PSD3: variants seen among roughly 807,000 people sequenced by gnomAD.
PSD3 encodes the protein pleckstrin and Sec7 domain containing 3.
A neutral mutation model predicts 105.5 loss-of-function variants in PSD3; 49 were observed. That is an observed-to-expected ratio of 0.46 (90% confidence interval 0.37 to 0.59). PSD3 has a LOEUF of 0.59. Ranked by LOEUF, PSD3 falls within the 20% of genes least tolerant of loss-of-function variation. The probability of loss-of-function intolerance (pLI) is 0.00; values close to 1 mark genes in which losing one functional copy is unlikely to be tolerated. For missense variants in PSD3, 1,561 were observed against 1,263.8 expected, an observed-to-expected ratio of 1.24 and a Z score of -3.57; for synonymous variants, 557 against 457.8, an observed-to-expected ratio of 1.22 and a Z score of -2.77.
chr8:18,751,990 C>A lies in PSD3; in HGVS notation c.2172+13459G>T, dbSNP rs577115820. Among the ~76,000 whole-genome samples, 70 of 143,232 alleles carry A rather than the reference C, an allele frequency of 4.9e-4. 2 individuals are homozygous for A. The highest frequency in any genetic ancestry group is 1.9e-3 in the African/African-American group (69 of 35,754). 94.0% of individuals were successfully genotyped at this position (143,232 alleles called of 152,430 possible). A position where few individuals can be genotyped will look rare whatever the true frequency, so the allele number is the denominator to read the frequency against. ...AGGAGTTCAAGACCAGCCTTGCCAA[C>A]ATGGTAAAACCCTGTCTCTACTAAA... On this transcript the variant is annotated intron_variant, in intron 9 of 15. Coordinates refer to ENST00000327040, the MANE Select transcript of PSD3 (RefSeq NM_015310.4).
At chr8:18,607,349 CA>C (rs1473932962) in intron 11 of PSD3, among the ~76,000 whole-genome samples, 5 of 152,140 alleles carry the variant, frequency 3.3e-5, no homozygotes, top group Admixed American at 6.5e-5. Context: ...TTGCTGAACA[CA>C]TACTGTTTTA....
intron 1 of PSD3, among the ~76,000 whole-genome samples, chr8:19,070,745 T>G (rs1442724120): frequency 6.6e-6 from 1 of 152,150 alleles, no homozygotes; most frequent in Non-Finnish European, 1.5e-5. Flanking sequence ...TACATTGTCT[T>G]GTACACCTCA....
chr8:18,878,032 G>A (rs1817849984), intron 2 of PSD3, among the ~76,000 whole-genome samples: 1 of 152,156 alleles, frequency 6.6e-6, no homozygotes, highest in Non-Finnish European at 1.5e-5. Flanking sequence ...GATAGGGGCT[G>A]CAATGAATCT....
chr8:18,716,420 G>A (rs1802603634), intron 9 of PSD3, among the ~76,000 whole-genome samples: 1 of 152,170 alleles, frequency 6.6e-6, no homozygotes, highest in African/African-American at 2.4e-5. Flanking sequence ...GCAGGCCCCT[G>A]ATTAATGAGG....
intron 1 of PSD3, among the ~76,000 whole-genome samples, chr8:18,947,832 T>A (rs1398630433): frequency 1.3e-5 from 2 of 152,172 alleles, no homozygotes; most frequent in Non-Finnish European, 2.9e-5. Flanking sequence ...TTTATTTTTT[T>A]TGAAGTGTGA....
chr8:18,802,863 T>G (rs1210479013), intron 6 of PSD3, among the ~76,000 whole-genome samples: 1 of 152,234 alleles, frequency 6.6e-6, no homozygotes, highest in Non-Finnish European at 1.5e-5. Context: ...CAGTGAGTTT[T>G]AGACACCTTC....
chr8:18,610,291 C>T lies in PSD3; in HGVS notation c.2411-9857G>A, dbSNP rs550729453. On this transcript the variant is annotated intron_variant, in intron 11 of 15. Coordinates refer to ENST00000327040, the MANE Select transcript of PSD3 (RefSeq NM_015310.4). ...TAGGTAGACAAGATTGAAAACCTAA[C>T]TTAGGAGTATGCACCTGTAACAATA... 9.2e-5 allele frequency among the ~76,000 whole-genome samples: 14 copies of T among 152,324 alleles called. No homozygotes were observed. The East Asian group carries it at 2.7e-3, about 29-fold the overall frequency.
intron 12 of PSD3, among the ~76,000 whole-genome samples, chr8:18,585,271 A>G (rs1803094875): frequency 6.6e-6 from 1 of 152,182 alleles, no homozygotes; most frequent in Non-Finnish European, 1.5e-5. Context: ...CTGCTGTAGG[A>G]AGATTGTGAA....
At chr8:18,942,361 T>G (rs2129469487) in intron 1 of PSD3, among the ~76,000 whole-genome samples, 1 of 152,300 alleles carries the variant, frequency 6.6e-6, no homozygotes, top group Non-Finnish European at 1.5e-5. Flanking sequence ...CTGCTCCCAT[T>G]GCCCAGCAGA....
intron 1 of PSD3, among the ~76,000 whole-genome samples, chr8:18,955,008 C>A (rs545784953): frequency 3.4e-4 from 52 of 152,302 alleles, no homozygotes; most frequent in African/African-American, 1.2e-3. Context: ...AAGCAGAGTA[C>A]ACAATGTGCT....
At chr8:18,570,832 C>T (rs1440517935) in intron 14 of PSD3, among the ~76,000 whole-genome samples, 1 of 126,304 alleles carries the variant, frequency 7.9e-6, no homozygotes, top group African/African-American at 3.0e-5. Flanking sequence ...ACATTACTGT[C>T]CTGCTTAAAA....
At chr8:18,901,535 T>C (rs902244769) in intron 2 of PSD3, among the ~76,000 whole-genome samples, 2 of 152,174 alleles carry the variant, frequency 1.3e-5, no homozygotes, top group Non-Finnish European at 1.5e-5. Context: ...TTTCTTCCTC[T>C]TTTTCTATCA....
At chr8:18,929,369 C>T (rs546712760) in intron 2 of PSD3, among the ~76,000 whole-genome samples, 1 of 152,276 alleles carries the variant, frequency 6.6e-6, no homozygotes, top group Non-Finnish European at 1.5e-5. Context: ...GCTAGAAACC[C>T]AGAGTTGGCA....
At position 18,837,587 on chromosome 8, in the gene PSD3, T is replaced by C. The variant is rs187718255; in HGVS notation, c.1634+30087A>G. Reference sequence around the variant, plus strand: ...TCAAACCATTTAGTTCTTGATGTTTTAATACTCACTGGCAAAAGATGATAA... The same window carrying C: ...TCAAACCATTTAGTTCTTGATGTTTCAATACTCACTGGCAAAAGATGATAA... On this transcript the variant is annotated intron_variant, in intron 4 of 15. Transcript: ENST00000327040. Among the ~76,000 whole-genome samples, 246 of 152,200 alleles carry C rather than the reference T, an allele frequency of 1.6e-3. 3 individuals are homozygous for C. Among genetic ancestry groups the C allele is most frequent in the African/African-American group, 5.7e-3 (237 of 41,512 alleles).
In PSD3 at chr8:18,798,317, T is replaced by C. The variant is rs56153799; in HGVS notation, c.2082+978A>G. 3.9e-5 allele frequency among the ~76,000 whole-genome samples: 6 copies of C among 152,242 alleles called. No individual in the cohort carries two copies. In the East Asian group the frequency reaches 1.2e-3, roughly 29 times the overall value. On this transcript the variant is annotated intron_variant, in intron 8 of 15. Transcript: ENST00000327040. ...GCAAAAGGAACTTTCTAGCTGAGTATTTTGAGATATGTTAAAATGATGTTA... is the reference window on the plus strand; with the variant it reads ...GCAAAAGGAACTTTCTAGCTGAGTACTTTGAGATATGTTAAAATGATGTTA...
At position 18,916,011 on chromosome 8, in the gene PSD3, G is replaced by A. The variant is rs527346922; in HGVS notation, c.130+20023C>T. Among the ~76,000 whole-genome samples the A allele has an allele frequency of 1.8e-4, 28 of 151,982 alleles. No individual in the cohort carries two copies. In the South Asian group the frequency reaches 1.9e-3, roughly 10 times the overall value. ...CTCGGGAGGCTAAGGCAGGAGAATC[G>A]CTTGAACCCAGGAGGCGGAGGTTGC... On this transcript the variant is annotated intron_variant, in intron 2 of 15. Coordinates refer to ENST00000327040, the MANE Select transcript of PSD3 (RefSeq NM_015310.4).
chr8:19,063,852 A>G (rs1329550396), intron 1 of PSD3, among the ~76,000 whole-genome samples: 1 of 152,166 alleles, frequency 6.6e-6, no homozygotes, highest in African/African-American at 2.4e-5. Flanking sequence ...CACAAAAAAG[A>G]AATTCAAGGC....
At chr8:18,937,656 G>A (rs1478999022) in intron 1 of PSD3, among the ~76,000 whole-genome samples, 4 of 152,150 alleles carry the variant, frequency 2.6e-5, no homozygotes, top group African/African-American at 7.2e-5. Flanking sequence ...CTGAAAAAAG[G>A]TGCATACTCC....
chr8:18,592,721 C>T (rs1422483144), intron 12 of PSD3, among the ~76,000 whole-genome samples: 3 of 152,030 alleles, frequency 2.0e-5, no homozygotes, highest in Non-Finnish European at 4.4e-5. Context: ...AACAAAAACA[C>T]TTGCCACACA....
Sources: allele counts gnomAD v4.1 joint callset (sites outside exome capture counted in the v4.1 genomes callset), GRCh38; gene constraint gnomAD v4.1.1; transcripts MANE v1.5; gene names NCBI Gene and HGNC (gene_info 2026-07-23, HGNC 2026-07-21).